Variants in INSL6 observed in about 807,000 individuals in gnomAD.
INSL6 encodes the protein insulin like 6, also known as insulin-like peptide INSL6.
In INSL6, 16 loss-of-function variants were observed where a neutral mutation model predicts 9.4. That is an observed-to-expected ratio of 1.70 (90% CI 1.15 to 2.59). INSL6 has a LOEUF of 2.59. INSL6 is among the 30% of genes most tolerant of loss of function. The pLI is 0.00. For missense variants in INSL6, 391 were observed against 257.3 expected (o/e 1.52, Z -3.56); for synonymous variants, 154 against 96.9 (o/e 1.59, Z -3.46).
At chr9:5,069,178 T>C in the INSL6 span, 1 of 1,609,848 alleles carries the variant, frequency 6.2e-7, no homozygotes, top group Non-Finnish European at 8.5e-7. Context: ...AATTTTCCAG[T>C]TTACTAAATG....
intron 2 of INSL6, among the ~76,000 whole-genome samples, chr9:5,134,183 T>G (rs1311491224): frequency 6.6e-6 from 1 of 151,920 alleles, no homozygotes; most frequent in East Asian, 1.9e-4. Flanking sequence ...CTCCAAGAAA[T>G]ATGGGACTAT....
At chr9:5,026,870 T>A in the INSL6 span, among the ~76,000 whole-genome samples, 2 of 152,230 alleles carry the variant, frequency 1.3e-5, no homozygotes, top group Admixed American at 6.5e-5. Context: ...AGAAATTACA[T>A]ATGCACTCAC....
the INSL6 span, among the ~76,000 whole-genome samples, chr9:5,030,846 C>CA: frequency 6.6e-6 from 1 of 151,186 alleles, no homozygotes; most frequent in South Asian, 2.1e-4. Flanking sequence ...GCACTGAGTT[C>CA]AAAAAAATAT....
the INSL6 span, among the ~76,000 whole-genome samples, chr9:5,068,414 G>A: frequency 2.6e-5 from 4 of 152,190 alleles, no homozygotes; most frequent in African/African-American, 7.2e-5. Flanking sequence ...CAGTGGAATG[G>A]CTGTATGTTC....
At chr9:5,173,910 G>C (rs1408011298) in intron 1 of INSL6, among the ~76,000 whole-genome samples, 2 of 152,076 alleles carry the variant, frequency 1.3e-5, no homozygotes, top group African/African-American at 4.8e-5. Flanking sequence ...TTCTACTTCA[G>C]GAGAAAATTG....
intron 1 of INSL6, among the ~76,000 whole-genome samples, chr9:5,171,749 A>G (rs1299857768): frequency 6.6e-6 from 1 of 152,194 alleles, no homozygotes; most frequent in African/African-American, 2.4e-5. Flanking sequence ...CAATTGCTAC[A>G]AAGAGAATAT....
chr9:5,152,521 T>C (rs917183418), intron 2 of INSL6, among the ~76,000 whole-genome samples: 3 of 152,096 alleles, frequency 2.0e-5, no homozygotes, highest in African/African-American at 7.2e-5. Context: ...GAAAATGACA[T>C]GTAAACTTAA....
chr9:5,081,103 G>A, the INSL6 span, among the ~76,000 whole-genome samples: 4 of 151,782 alleles, frequency 2.6e-5, no homozygotes, highest in Non-Finnish European at 5.9e-5. Context: ...CACCGTGTTA[G>A]CCAGGATGGT....
chr9:5,072,676 T>C, the INSL6 span: 1 of 1,369,152 alleles, frequency 7.3e-7, no homozygotes, highest in Non-Finnish European at 9.8e-7. Flanking sequence ...TTTAAAGATG[T>C]GCTCTCATAT....
intron 2 of INSL6, among the ~76,000 whole-genome samples, chr9:5,157,579 G>A (rs965257746): frequency 5.9e-5 from 9 of 152,066 alleles, no homozygotes; most frequent in Non-Finnish European, 1.3e-4. Context: ...GAACTCAAAT[G>A]TATCACAGAC....
chr9:5,040,165 T>C, the INSL6 span, among the ~76,000 whole-genome samples: 42 of 152,170 alleles, frequency 2.8e-4, no homozygotes, highest in Admixed American at 1.2e-3. Context: ...TTGATGGTGA[T>C]TGATTTTTGA....
At chr9:5,074,732 C>G in the INSL6 span, among the ~76,000 whole-genome samples, 1 of 152,168 alleles carries the variant, frequency 6.6e-6, no homozygotes, top group African/African-American at 2.4e-5. Context: ...AAGATTCACC[C>G]GTCTCTCACT....
chr9:5,112,768 CGT>C, the INSL6 span: 1 of 612,868 alleles, frequency 1.6e-6, no homozygotes, highest in Admixed American at 3.7e-5. Context: ...AGGTGTCGCG[CGT>C]GTTCGGAGGC....
chr9:5,136,371 A>G (rs1409275239), intron 2 of INSL6, among the ~76,000 whole-genome samples: 1 of 152,246 alleles, frequency 6.6e-6, no homozygotes, highest in East Asian at 1.9e-4. Flanking sequence ...AAAATCCTCA[A>G]TAAAATACTG....
intron 1 of INSL6, among the ~76,000 whole-genome samples, chr9:5,164,493 A>G (rs1162281052): frequency 2.0e-5 from 3 of 152,244 alleles, no homozygotes; most frequent in African/African-American, 7.2e-5. Flanking sequence ...ACAATTTGAG[A>G]TATCATTCAC....
chr9:5,071,796 T>G, the INSL6 span, among the ~76,000 whole-genome samples: 1 of 152,190 alleles, frequency 6.6e-6, no homozygotes, highest in Non-Finnish European at 1.5e-5. Flanking sequence ...GTAACTTGAC[T>G]AACATTACAA....
At chr9:4,999,121 G>A in the INSL6 span, among the ~76,000 whole-genome samples, 1 of 152,114 alleles carries the variant, frequency 6.6e-6, no homozygotes, top group Non-Finnish European at 1.5e-5. Flanking sequence ...CACCGCACCC[G>A]GGCTCAGGAG....
At chr9:5,102,084 A>G in the INSL6 span, among the ~76,000 whole-genome samples, 1 of 152,212 alleles carries the variant, frequency 6.6e-6, no homozygotes, top group Non-Finnish European at 1.5e-5. Context: ...GGTAATAACA[A>G]ACTTCTCCAA....
At chr9:5,178,207 C>T (rs1825359362) in intron 1 of INSL6, among the ~76,000 whole-genome samples, 1 of 152,192 alleles carries the variant, frequency 6.6e-6, no homozygotes, top group East Asian at 1.9e-4. Flanking sequence ...ATCCATTCCT[C>T]CTCCCTGGGT....
Sources: gnomAD v4.1 joint callset for allele counts (sites outside exome capture counted in the v4.1 genomes callset) on GRCh38, gnomAD v4.1.1 for gene constraint, MANE v1.5 for transcripts, NCBI Gene and HGNC (gene_info 2026-07-23, HGNC 2026-07-21) for gene names.